Variants in KIT observed in about 807,000 individuals in gnomAD.
The protein encoded by KIT is KIT proto-oncogene, receptor tyrosine kinase, also known as mast/stem cell growth factor receptor Kit.
KIT carries 16 observed loss-of-function variants against 105.7 expected under a neutral mutation model. The ratio of observed to expected loss-of-function variants is 0.15; its 90% CI spans 0.10 to 0.23. The LOEUF (loss-of-function observed/expected upper bound fraction) is 0.23, where lower values mean the gene tolerates loss of function less well. KIT is among the 10% of genes least tolerant of loss of function. The probability of loss-of-function intolerance (pLI) is 1.00; values close to 1 mark genes in which losing one functional copy is unlikely to be tolerated. For missense variants in KIT, 858 were observed against 1,213.8 expected (o/e 0.71, Z 4.36); for synonymous variants, 438 against 441.1 (o/e 0.99, Z 0.09).
At chr4:54,738,309 A>G (rs1723042857) in intron 20 of KIT, 120 bp from the exon 21 acceptor site, 1 of 1,262,978 alleles carries the variant, frequency 7.9e-7, no homozygotes, top group African/African-American at 1.5e-5. Context: ...AGTTCTTGGA[A>G]ACCACTTCTC....
At chr4:54,721,434 G>T (rs537298214) in intron 7 of KIT, among the ~76,000 whole-genome samples, 3 of 152,190 alleles carry the variant, frequency 2.0e-5, no homozygotes, top group Admixed American at 6.5e-5. Context: ...AATGAAACTT[G>T]CCAGATGGAT....
intron 3 of KIT, 94 bp downstream of exon 3, chr4:54,698,659 C>T: frequency 7.3e-7 from 1 of 1,373,872 alleles, no homozygotes; most frequent in Admixed American, 1.7e-5. Context: ...TGTAGTCAAT[C>T]AGGGAGCTAG....
At chr4:54,727,625 GT>G in intron 11 of KIT, 83 bp downstream of exon 11, 2 of 1,558,724 alleles carry the variant, frequency 1.3e-6, no homozygotes, top group Non-Finnish European at 1.8e-6. Context: ...GGCTTCCTTT[GT>G]TTTGTTCCAC....
chr4:54,722,875 T>TTA (rs1197522486), intron 7 of KIT, among the ~76,000 whole-genome samples: 3 of 138,718 alleles, frequency 2.2e-5, no homozygotes, highest in South Asian at 2.1e-4. Flanking sequence ...GTATATATAT[T>TTA]TATATATATG....
chr4:54,709,869 G>T (rs922035996), intron 7 of KIT, among the ~76,000 whole-genome samples: 5 of 152,188 alleles, frequency 3.3e-5, no homozygotes, highest in Non-Finnish European at 5.9e-5. Flanking sequence ...GCTAGTGGTT[G>T]AATAGGAGCT....
chr4:54,728,530 A>G (rs1392248187), intron 13 of KIT, among the ~76,000 whole-genome samples: 1 of 152,222 alleles, frequency 6.6e-6, no homozygotes, highest in African/African-American at 2.4e-5. Context: ...ACACCAAATG[A>G]GGCAAACATT....
chr4:54,713,371 C>CA (rs1289715247), intron 7 of KIT, among the ~76,000 whole-genome samples: 2 of 151,824 alleles, frequency 1.3e-5, no homozygotes, highest in Non-Finnish European at 2.9e-5. Flanking sequence ...ATTTTAAAAT[C>CA]AAAAGCTAAA....
intron 5 of KIT, among the ~76,000 whole-genome samples, chr4:54,705,110 T>C (rs532502400): frequency 6.6e-6 from 1 of 152,352 alleles, no homozygotes; most frequent in East Asian, 1.9e-4. Context: ...AAGCACTAAT[T>C]TGCTAAGTTG....
chr4:54,706,826 T>C (rs1407179642), intron 5 of KIT, among the ~76,000 whole-genome samples: 1 of 152,186 alleles, frequency 6.6e-6, no homozygotes, highest in Non-Finnish European at 1.5e-5. Flanking sequence ...CTAGTAGATT[T>C]AGAAGACTTT....
At position 54,674,711 on chromosome 4, in the gene KIT, A is replaced by C. The variant is rs115862014; in HGVS notation, c.67+16630A>C. On this transcript the variant is annotated intron_variant, in intron 1 of 20. Coordinates refer to ENST00000288135, the MANE Select transcript of KIT (RefSeq NM_000222.3). ...TGTAACTATCTGAAAACTGATTACT[A>C]TGGAAATGAACACTGTATGGCCTAC... Among the ~76,000 whole-genome samples the C allele has an allele frequency of 2.9e-3, 445 of 152,310 alleles. 2 individuals are homozygous for C. The highest frequency in any genetic ancestry group is 4.3e-3 in the Non-Finnish European group (294 of 68,008).
intron 17 of KIT, among the ~76,000 whole-genome samples, chr4:54,734,030 C>T (rs530348804): frequency 2.0e-5 from 3 of 152,190 alleles, no homozygotes; most frequent in African/African-American, 7.2e-5. Context: ...TATTGGTAGC[C>T]TGTACTCGAT....
intron 1 of KIT, among the ~76,000 whole-genome samples, chr4:54,676,781 A>C (rs770022227): frequency 1.3e-5 from 2 of 152,036 alleles, no homozygotes; most frequent in African/African-American, 4.8e-5. Flanking sequence ...TTGGCTGTGG[A>C]GTGCACGCTG....
intron 1 of KIT, among the ~76,000 whole-genome samples, chr4:54,682,376 C>G (rs1455036453): frequency 2.0e-5 from 3 of 152,150 alleles, no homozygotes; most frequent in Non-Finnish European, 4.4e-5. Context: ...GCATGGGCCA[C>G]CGTGCCTGGC....
intron 1 of KIT, among the ~76,000 whole-genome samples, chr4:54,677,498 C>T (rs1229478754): frequency 3.3e-5 from 5 of 152,172 alleles, no homozygotes. Flanking sequence ...AGCCAGCAGC[C>T]TGGAGTAAAG....
chr4:54,704,472 G>A (rs1720655682), intron 5 of KIT, among the ~76,000 whole-genome samples: 1 of 151,866 alleles, frequency 6.6e-6, no homozygotes, highest in Non-Finnish European at 1.5e-5. Flanking sequence ...TTGGTTCTAC[G>A]GAGCATAAAC....
intron 5 of KIT, among the ~76,000 whole-genome samples, chr4:54,706,227 TA>T (rs34688139): frequency 0.37 from 55,675 of 151,666 alleles, 11,907 homozygotes; most frequent in Non-Finnish European, 0.48. Flanking sequence ...ATAGATAATT[TA>T]AAAAAAAATC....
At chr4:54,698,688 G>C in intron 3 of KIT, 123 bp downstream of exon 3, 2 of 1,110,386 alleles carry the variant, frequency 1.8e-6, no homozygotes, top group East Asian at 2.4e-5. Context: ...AGTTCCCCCA[G>C]CTTCAAAAAA....
At chr4:54,709,331 A>C (rs1311937662) in intron 6 of KIT, 93 bp from the exon 7 acceptor site, 3 of 820,732 alleles carry the variant, frequency 3.7e-6, no homozygotes, top group Non-Finnish European at 6.4e-6. Flanking sequence ...TTTTTCCTCA[A>C]ACAGGCATAG....
intron 1 of KIT, among the ~76,000 whole-genome samples, chr4:54,694,840 A>G (rs986704859): frequency 3.9e-5 from 6 of 152,204 alleles, no homozygotes; most frequent in African/African-American, 1.2e-4. Flanking sequence ...TGGCTGTTGT[A>G]AAATTTCTAG....
Sources: allele counts gnomAD v4.1 joint callset (sites outside exome capture counted in the v4.1 genomes callset), GRCh38; gene constraint gnomAD v4.1.1; transcripts MANE v1.5; gene names NCBI Gene and HGNC (gene_info 2026-07-23, HGNC 2026-07-21).